Variants in SPMIP7 observed in about 807,000 individuals in gnomAD.
SPMIP7 encodes protein SPMIP7.
At chr7:50,125,410 A>G in the SPMIP7 span, among the ~76,000 whole-genome samples, 1 of 148,356 alleles carries the variant, frequency 6.7e-6, no homozygotes, top group South Asian at 2.1e-4. Context: ...ATATATATAT[A>G]AAGAAACTAG....
the SPMIP7 span, among the ~76,000 whole-genome samples, chr7:50,154,725 T>C: frequency 0.016 from 2,404 of 152,344 alleles, 76 homozygotes; most frequent in African/African-American, 0.055. Flanking sequence ...TTCCTTTGAG[T>C]GTATCTCCAG....
At chr7:50,135,385 G>A in the SPMIP7 span, among the ~76,000 whole-genome samples, 3 of 152,104 alleles carry the variant, frequency 2.0e-5, no homozygotes, top group Non-Finnish European at 4.4e-5. Context: ...TTGAAATACA[G>A]CTCTTAATAT....
chr7:50,117,725 A>G, the SPMIP7 span, among the ~76,000 whole-genome samples: 4 of 152,234 alleles, frequency 2.6e-5, no homozygotes, highest in African/African-American at 7.2e-5. Context: ...GTATGATCTT[A>G]TCACCTGAAA....
chr7:50,134,004 C>A, the SPMIP7 span: 1 of 1,030,766 alleles, frequency 9.7e-7, no homozygotes, highest in Non-Finnish European at 1.4e-6. Context: ...GGGCAGGGAT[C>A]CTCAGGGTCA....
the SPMIP7 span, among the ~76,000 whole-genome samples, chr7:50,130,419 C>G: frequency 6.6e-6 from 1 of 152,072 alleles, no homozygotes; most frequent in African/African-American, 2.4e-5. Flanking sequence ...TCTCGTGAGA[C>G]TTATTCACTA....
the SPMIP7 span, among the ~76,000 whole-genome samples, chr7:50,152,664 TTTTA>T: frequency 0.027 from 3,855 of 141,394 alleles, 162 homozygotes; most frequent in African/African-American, 0.087. Context: ...TTATCACACA[TTTTA>T]TTTATTTATT....
chr7:50,098,054 G>A, the SPMIP7 span, among the ~76,000 whole-genome samples: 1 of 152,168 alleles, frequency 6.6e-6, no homozygotes, highest in East Asian at 1.9e-4. Context: ...AATTGTAAAT[G>A]ATAAGTACTT....
chr7:50,110,926 T>G, the SPMIP7 span, among the ~76,000 whole-genome samples: 18 of 136,662 alleles, frequency 1.3e-4, no homozygotes, highest in African/African-American at 5.0e-4. Context: ...CATAAGCTAA[T>G]ATATAATATG....
the SPMIP7 span, among the ~76,000 whole-genome samples, chr7:50,119,406 C>G: frequency 6.6e-6 from 1 of 152,174 alleles, no homozygotes; most frequent in Non-Finnish European, 1.5e-5. Context: ...CCTTTTTCCT[C>G]TTTTTCCTAT....
the SPMIP7 span, among the ~76,000 whole-genome samples, chr7:50,137,901 C>T: frequency 8.5e-5 from 13 of 152,154 alleles, no homozygotes; most frequent in East Asian, 2.5e-3. Context: ...GGTAAAAATC[C>T]TTTCTTGGTA....
At chr7:50,100,555 G>A in the SPMIP7 span, among the ~76,000 whole-genome samples, 1 of 152,164 alleles carries the variant, frequency 6.6e-6, no homozygotes, top group Admixed American at 6.5e-5. Flanking sequence ...GCTCACGCCT[G>A]TAATCCCAGC....
the SPMIP7 span, among the ~76,000 whole-genome samples, chr7:50,119,517 C>T: frequency 6.6e-6 from 1 of 152,130 alleles, no homozygotes; most frequent in African/African-American, 2.4e-5. Flanking sequence ...GAAACCAAAA[C>T]AATTGTTAAA....
chr7:50,121,207 A>T, the SPMIP7 span: 1 of 152,198 alleles, frequency 6.6e-6, no homozygotes, highest in South Asian at 2.1e-4. Flanking sequence ...GACAGAAAGG[A>T]GTATCAGTGC....
At chr7:50,106,633 T>C in the SPMIP7 span, among the ~76,000 whole-genome samples, 1 of 152,296 alleles carries the variant, frequency 6.6e-6, no homozygotes, top group Non-Finnish European at 1.5e-5. Context: ...ATAATTAACA[T>C]ATCCAAATAC....
At chr7:50,095,985 A>T in the SPMIP7 span, 41 of 805,220 alleles carry the variant, frequency 5.1e-5, no homozygotes, top group Non-Finnish European at 7.1e-5. Context: ...ATACTAGTTT[A>T]ACACAGATCT....
the SPMIP7 span, among the ~76,000 whole-genome samples, chr7:50,097,216 T>C: frequency 6.6e-6 from 1 of 152,134 alleles, no homozygotes; most frequent in African/African-American, 2.4e-5. Flanking sequence ...TTCCTCTAAA[T>C]GATGAGAAAC....
At chr7:50,122,034 A>C in the SPMIP7 span, among the ~76,000 whole-genome samples, 1 of 152,224 alleles carries the variant, frequency 6.6e-6, no homozygotes, top group African/African-American at 2.4e-5. Flanking sequence ...TGAATATATT[A>C]AAATGATTTA....
the SPMIP7 span, among the ~76,000 whole-genome samples, chr7:50,153,506 T>G: frequency 0.8 from 122,413 of 152,208 alleles, 49,302 homozygotes; most frequent in East Asian, 0.92. Flanking sequence ...TCACCATCTC[T>G]CAATGAGAAA....
chr7:50,139,125 C>T, the SPMIP7 span, among the ~76,000 whole-genome samples: 42 of 151,968 alleles, frequency 2.8e-4, no homozygotes, highest in Non-Finnish European at 4.4e-4. Context: ...CCGAGGCAGG[C>T]AGATCACGAG....
Sources: gnomAD v4.1 joint callset for allele counts (sites outside exome capture counted in the v4.1 genomes callset) on GRCh38, gnomAD v4.1.1 for gene constraint, MANE v1.5 for transcripts, NCBI Gene and HGNC (gene_info 2026-07-23, HGNC 2026-07-21) for gene names.